The following DNASE1L3 variants were observed in gnomAD, a reference collection of about 807,000 sequenced individuals.
The protein encoded by DNASE1L3 is deoxyribonuclease gamma.
A neutral mutation model predicts 30.9 loss-of-function variants in DNASE1L3; 27 were observed. The observed-to-expected ratio is 0.87, with a 90% CI of 0.64 to 1.20. The LOEUF (loss-of-function observed/expected upper bound fraction) is 1.20. Among genes scored for constraint, DNASE1L3 ranks in the 50% most tolerant of loss-of-function variants. The pLI is 0.00. For synonymous variants in DNASE1L3, 135 were observed against 138.0 expected (o/e 0.98, Z 0.15); for missense variants, 364 against 378.2 (o/e 0.96, Z 0.31).
Position 58,192,606 on chromosome 3 carries a change from T to G in DNASE1L3, c.*81A>C. ...AAGCAGTTGGATCACTCTTGTTTCCTAAGTACAGGGAGCAGTTCATATCTG... is the reference window on the plus strand; with the variant it reads ...AAGCAGTTGGATCACTCTTGTTTCCGAAGTACAGGGAGCAGTTCATATCTG... On this transcript the variant is annotated 3_prime_UTR_variant, in exon 8 of 8. Coordinates refer to ENST00000394549, the MANE Select transcript of DNASE1L3 (RefSeq NM_004944.4). The surrounding 1 kb of genome is among the most constrained non-coding windows in gnomAD (Gnocchi z 4.8). 1 of 1,401,374 alleles carries G rather than the reference T, an allele frequency of 7.1e-7. No homozygotes were observed. Among genetic ancestry groups the G allele is most frequent in the Non-Finnish European group, 9.8e-7 (1 of 1,025,542 alleles). The allele number at this position is 1,401,374 out of a possible 1,614,324, so 86.8% of individuals were successfully genotyped here. A position where few individuals can be genotyped will look rare whatever the true frequency, so the allele number is the denominator to read the frequency against.
Position 58,192,995 on chromosome 3 carries a change from A to C in DNASE1L3, c.802-192T>G. 1 of 1,435,950 alleles carries C rather than the reference A, an allele frequency of 7.0e-7. No homozygotes were observed. The highest frequency in any genetic ancestry group is 9.1e-7 in the Non-Finnish European group (1 of 1,102,772). The allele number at this position is 1,435,950 out of a possible 1,614,324, so 89.0% of individuals were successfully genotyped here. On this transcript the variant is annotated intron_variant, in intron 7 of 7. Coordinates refer to ENST00000394549, the MANE Select transcript of DNASE1L3 (RefSeq NM_004944.4). The surrounding 1 kb of genome is among the most constrained non-coding windows in gnomAD (Gnocchi z 4.8). ...ATTTTGGAGGGGCCTCAAATCACAGAATCATAGGCATTGAGGGTCAAGGTC... is the reference window on the plus strand; with the variant it reads ...ATTTTGGAGGGGCCTCAAATCACAGCATCATAGGCATTGAGGGTCAAGGTC...
intron 4 of DNASE1L3, among the ~76,000 whole-genome samples, chr3:58,204,265 C>T (rs915572463): frequency 3.3e-5 from 5 of 151,894 alleles, no homozygotes; most frequent in Admixed American, 6.6e-5. Context: ...CTCAGCCTCC[C>T]GAGTAGCTGG....
intron 1 of DNASE1L3, 121 bp downstream of exon 1, chr3:58,210,645 A>G: frequency 6.8e-7 from 1 of 1,478,966 alleles, no homozygotes; most frequent in Non-Finnish European, 9.2e-7. Context: ...TTATTGTTCC[A>G]AGCCAGCTTC....
chr3:58,204,243 T>C (rs9861943), intron 4 of DNASE1L3, among the ~76,000 whole-genome samples: 95,894 of 151,034 alleles, frequency 0.63, 31,013 homozygotes, highest in East Asian at 1. Context: ...CTGGTTCAAG[T>C]GATTCTCCTA....
intron 6 of DNASE1L3, among the ~76,000 whole-genome samples, chr3:58,194,571 C>G (rs112139352): frequency 0.021 from 3,098 of 150,858 alleles, 101 homozygotes; most frequent in African/African-American, 0.072. Flanking sequence ...CCGCCCACCT[C>G]AACCTCCCAA....
chr3:58,206,689 C>G (rs2097404169), intron 2 of DNASE1L3, among the ~76,000 whole-genome samples: 1 of 152,160 alleles, frequency 6.6e-6, no homozygotes, highest in Non-Finnish European at 1.5e-5. Context: ...GAGGAGATGA[C>G]TGGAGCCTAC....
intron 2 of DNASE1L3, 124 bp from the exon 3 acceptor site, chr3:58,205,684 A>G (rs2097403450): frequency 6.5e-6 from 5 of 767,802 alleles, no homozygotes; most frequent in Non-Finnish European, 1.1e-5. Context: ...ACTGTTCATC[A>G]TAACCTTTGA....
At position 58,208,256 on chromosome 3, in the gene DNASE1L3, G is replaced by T. The variant is rs1214200753; in HGVS notation, c.192C>A (p.Asn64Lys). Reference sequence around the variant, plus strand: ...CCATCAGTATGGGGCAGATCCTGTTGTTGCTGTCCTTGATTTCCATCACGA... The same window carrying T: ...CCATCAGTATGGGGCAGATCCTGTTTTTGCTGTCCTTGATTTCCATCACGA... ...IILVMEIKDS[N>K]NRICPILMEK... is the part of the protein sequence containing the mutation. The change falls in exon 2 of 8, where the codon AAC becomes AAA. Residue 64 changes from asparagine to lysine, a missense_variant. By Grantham distance (94) the Asn-to-Lys change is moderately conservative. Coordinates refer to ENST00000394549, the MANE Select transcript of DNASE1L3 (RefSeq NM_004944.4). 1.9e-6 allele frequency: 3 copies of T among 1,614,062 alleles called. No individual in the cohort carries two copies. The highest frequency in any genetic ancestry group is 2.2e-5 in the East Asian group (1 of 44,896).
chr3:58,195,186 T>G (rs1333293099), intron 6 of DNASE1L3, among the ~76,000 whole-genome samples: 1 of 152,250 alleles, frequency 6.6e-6, no homozygotes, highest in Non-Finnish European at 1.5e-5. Flanking sequence ...TATGTGAACA[T>G]GGAACAAAGA....
At chr3:58,205,836 C>G (rs2097403560) in intron 2 of DNASE1L3, among the ~76,000 whole-genome samples, 1 of 152,220 alleles carries the variant, frequency 6.6e-6, no homozygotes, top group African/African-American at 2.4e-5. Flanking sequence ...GGATTTGAAC[C>G]TAGATCCAAC....
intron 6 of DNASE1L3, among the ~76,000 whole-genome samples, chr3:58,196,767 T>C (rs2097397709): frequency 6.6e-6 from 1 of 152,122 alleles, no homozygotes; most frequent in Non-Finnish European, 1.5e-5. Flanking sequence ...CTCCCCCCTC[T>C]GTCCCCATTG....
At chr3:58,209,067 C>T (rs553784955) in intron 1 of DNASE1L3, among the ~76,000 whole-genome samples, 30 of 152,124 alleles carry the variant, frequency 2.0e-4, no homozygotes, top group South Asian at 6.2e-4. Flanking sequence ...TGGTGAAACC[C>T]GCCTCTACTA....
intron 6 of DNASE1L3, among the ~76,000 whole-genome samples, 181 bp from the exon 7 acceptor site, chr3:58,193,620 G>A (rs566415748): frequency 1.2e-4 from 18 of 152,328 alleles, no homozygotes; most frequent in African/African-American, 3.8e-4. Flanking sequence ...CTGTGAAATA[G>A]GATCAGTCCC....
chr3:58,193,094 T>TTTTA, intron 7 of DNASE1L3: 2 of 1,339,558 alleles, frequency 1.5e-6, no homozygotes, highest in East Asian at 2.8e-5. Context: ...TTTTTTTTTT[T>TTTTA]GAGACAGGAT....
At chr3:58,194,850 G>A (rs184926588) in intron 6 of DNASE1L3, among the ~76,000 whole-genome samples, 36 of 151,110 alleles carry the variant, frequency 2.4e-4, no homozygotes, top group African/African-American at 7.3e-4. Flanking sequence ...GGATGGTCTC[G>A]ATCTCCTGAC....
At position 58,208,244 on chromosome 3, in the gene DNASE1L3, G is replaced by A; in HGVS notation, c.204C>T (p.Cys68=). The change falls in exon 2 of 8, where the codon TGC becomes TGT. Residue 68 remains cysteine, a synonymous_variant. Transcript: ENST00000394549. ...MEIKDSNNRI[C]PILMEKLNRN... ...TGTTCAGCTTCTCCATCAGTATGGG[G>A]CAGATCCTGTTGTTGCTGTCCTTGA... 1.9e-6 allele frequency: 3 copies of A among 1,614,194 alleles called. No individual in the cohort carries two copies. Among genetic ancestry groups the A allele is most frequent in the Non-Finnish European group, 2.5e-6 (3 of 1,180,024 alleles).
At chr3:58,210,575 G>T (rs961495854) in intron 1 of DNASE1L3, among the ~76,000 whole-genome samples, 191 bp downstream of exon 1, 1 of 152,198 alleles carries the variant, frequency 6.6e-6, no homozygotes, top group South Asian at 2.1e-4. Context: ...ACCCTGGAGG[G>T]AACCATTGTT....
chr3:58,210,390 A>C (rs563198721), intron 1 of DNASE1L3, among the ~76,000 whole-genome samples: 1 of 152,316 alleles, frequency 6.6e-6, no homozygotes, highest in East Asian at 1.9e-4. Context: ...CATGGGGAGT[A>C]ATAGTCCCTC....
At chr3:58,210,244 A>AAAAGGAAGAAAGAAAAAG (rs1553714692) in intron 1 of DNASE1L3, among the ~76,000 whole-genome samples, 3 of 101,902 alleles carry the variant, frequency 2.9e-5, no homozygotes, top group South Asian at 2.4e-4. Flanking sequence ...GGAAGAAAGA[A>AAAAGGAAGAAAGAAAAAG]AAAGAAAGAA....
Sources: allele counts gnomAD v4.1 joint callset (sites outside exome capture counted in the v4.1 genomes callset), GRCh38; gene constraint gnomAD v4.1.1; non-coding constraint Gnocchi (gnomAD v3.1); transcripts MANE v1.5; gene names NCBI Gene and HGNC (gene_info 2026-07-23, HGNC 2026-07-21).